The following XKR4 variants were observed in gnomAD, a reference collection of about 807,000 sequenced individuals.
The protein encoded by XKR4 is XK related 4, also known as XK-related protein 4.
In XKR4, 12 loss-of-function variants were observed where a neutral mutation model predicts 53.9. The observed-to-expected ratio is 0.22, with a 90% CI of 0.14 to 0.36. The LOEUF (loss-of-function observed/expected upper bound fraction) is 0.36, where lower values mean the gene tolerates loss of function less well. Among genes scored for constraint, XKR4 ranks in the 10% least tolerant of loss-of-function variants. The pLI, the probability that XKR4 is intolerant of heterozygous loss-of-function variation, is 1.00. For missense variants in XKR4, 799 were observed against 859.5 expected, an observed-to-expected ratio of 0.93 and a Z score of 0.88; for synonymous variants, 354 against 362.4, an observed-to-expected ratio of 0.98 and a Z score of 0.26.
intron 1 of XKR4, among the ~76,000 whole-genome samples, chr8:55,157,009 A>T (rs1296682212): frequency 6.6e-6 from 1 of 152,226 alleles, no homozygotes; most frequent in Non-Finnish European, 1.5e-5. Context: ...ATATGTACAT[A>T]ATCACTTTTC....
At chr8:55,432,580 T>C (rs1202138907) in intron 2 of XKR4, among the ~76,000 whole-genome samples, 3 of 151,742 alleles carry the variant, frequency 2.0e-5, no homozygotes, top group African/African-American at 7.3e-5. Context: ...TGGTGGATCA[T>C]TGAACATATC....
chr8:55,312,728 T>C (rs953619825), intron 1 of XKR4, among the ~76,000 whole-genome samples: 2 of 152,268 alleles, frequency 1.3e-5, no homozygotes, highest in Non-Finnish European at 2.9e-5. Context: ...ATCTATTTTA[T>C]TTGATGGTAT....
At chr8:55,480,717 A>T (rs1806088077) in intron 2 of XKR4, among the ~76,000 whole-genome samples, 1 of 147,706 alleles carries the variant, frequency 6.8e-6, no homozygotes, top group Non-Finnish European at 1.5e-5. Context: ...CAGGATACAA[A>T]ATCAATGTAC....
intron 1 of XKR4, among the ~76,000 whole-genome samples, chr8:55,325,528 A>C (rs939577235): frequency 6.6e-6 from 1 of 152,238 alleles, no homozygotes. Flanking sequence ...AAATGAGGAA[A>C]ACAACTCTTA....
chr8:55,376,161 G>A (rs1461170790), intron 2 of XKR4, among the ~76,000 whole-genome samples: 1 of 152,076 alleles, frequency 6.6e-6, no homozygotes, highest in Non-Finnish European at 1.5e-5. Context: ...CCATGTCTTT[G>A]CTATTGTGAA....
At chr8:55,341,487 T>C (rs998913929) in intron 1 of XKR4, among the ~76,000 whole-genome samples, 7 of 152,162 alleles carry the variant, frequency 4.6e-5, no homozygotes, top group Admixed American at 2.0e-4. Context: ...AGGGTACCTG[T>C]GCCAGGAAGG....
rs1174262753 is a variant in XKR4, at chr8:55,525,680, T to A, written c.*1453T>A. ...AGTGCCGGTCAAACTTTGATAGTAT[T>A]TTTTTATAGTTGGTGCAGAGTGGAA... On this transcript the variant is annotated 3_prime_UTR_variant, in exon 3 of 3. Coordinates refer to ENST00000327381, the MANE Select transcript of XKR4 (RefSeq NM_052898.2). 1 of 152,644 alleles carries A rather than the reference T, an allele frequency of 6.6e-6. No homozygotes were observed. The highest frequency in any genetic ancestry group is 1.5e-5 in the Non-Finnish European group (1 of 68,024). The allele number at this position is 152,644 out of a possible 1,614,324, so 9.5% of individuals were successfully genotyped here.
At chr8:55,301,527 G>A (rs2129376871) in intron 1 of XKR4, among the ~76,000 whole-genome samples, 1 of 152,162 alleles carries the variant, frequency 6.6e-6, no homozygotes, top group Non-Finnish European at 1.5e-5. Context: ...GAGATGGCTG[G>A]GTCAAATGGT....
chr8:55,282,246 A>G (rs1818854019), intron 1 of XKR4, among the ~76,000 whole-genome samples: 2 of 152,210 alleles, frequency 1.3e-5, no homozygotes, highest in African/African-American at 4.8e-5. Context: ...GGAGCCAAAA[A>G]TTCCTATTGC....
At chr8:55,490,757 A>T (rs1806259018) in intron 2 of XKR4, among the ~76,000 whole-genome samples, 1 of 151,814 alleles carries the variant, frequency 6.6e-6, no homozygotes, top group African/African-American at 2.4e-5. Context: ...TTTCTCTATC[A>T]CATCTTTCTA....
intron 1 of XKR4, among the ~76,000 whole-genome samples, chr8:55,105,962 T>A (rs1171770002): frequency 6.6e-6 from 1 of 152,196 alleles, no homozygotes; most frequent in East Asian, 1.9e-4. Flanking sequence ...TCTATTAGAC[T>A]CACTATGATT....
At chr8:55,410,358 G>A (rs576630630) in intron 2 of XKR4, among the ~76,000 whole-genome samples, 23 of 152,214 alleles carry the variant, frequency 1.5e-4, no homozygotes, top group Non-Finnish European at 2.2e-4. Context: ...TCTCTCCCTG[G>A]GCCATGAGCC....
In XKR4 at chr8:55,527,186, C is replaced by T. The variant is rs1291075320; in HGVS notation, c.*2959C>T. 1 of 150,070 alleles carries T rather than the reference C, an allele frequency of 6.7e-6. No individual in the cohort carries two copies. Among genetic ancestry groups the T allele is most frequent in the Non-Finnish European group, 1.5e-5 (1 of 67,116 alleles). The allele number at this position is 150,070 out of a possible 1,614,324, so 9.3% of individuals were successfully genotyped here. A position where few individuals can be genotyped will look rare whatever the true frequency, so the allele number is the denominator to read the frequency against. Reference sequence around the variant, plus strand: ...TTTAAAGTATTCAGATTTAAAGAGACATCATCAGTGTACAAAGAAACAAAG... The same window carrying T: ...TTTAAAGTATTCAGATTTAAAGAGATATCATCAGTGTACAAAGAAACAAAG... On this transcript the variant is annotated 3_prime_UTR_variant, in exon 3 of 3. Transcript: ENST00000327381.
At chr8:55,433,121 AT>A (rs1361114753) in intron 2 of XKR4, among the ~76,000 whole-genome samples, 8 of 152,146 alleles carry the variant, frequency 5.3e-5, no homozygotes, top group Non-Finnish European at 8.8e-5. Flanking sequence ...CACAGTAACA[AT>A]TTTTTTCCCA....
intron 2 of XKR4, among the ~76,000 whole-genome samples, chr8:55,388,205 A>G (rs1804355202): frequency 6.6e-6 from 1 of 152,186 alleles, no homozygotes; most frequent in South Asian, 2.1e-4. Flanking sequence ...GTTCAGAACA[A>G]TGTCATTTAA....
chr8:55,205,384 A>T (rs1176255979), intron 1 of XKR4, among the ~76,000 whole-genome samples: 1 of 152,228 alleles, frequency 6.6e-6, no homozygotes, highest in Non-Finnish European at 1.5e-5. Context: ...ACTCAAATTT[A>T]GAGGCAGAGA....
chr8:55,507,277 A>G (rs1213420490), intron 2 of XKR4, among the ~76,000 whole-genome samples: 2 of 152,114 alleles, frequency 1.3e-5, no homozygotes, highest in African/African-American at 2.4e-5. Flanking sequence ...CTATCAAAGC[A>G]CCCCTATACA....
chr8:55,147,673 G>A (rs1185151415), intron 1 of XKR4, among the ~76,000 whole-genome samples: 2 of 152,130 alleles, frequency 1.3e-5, no homozygotes, highest in African/African-American at 2.4e-5. Flanking sequence ...CACTGGCATC[G>A]AGATTTGGGG....
intron 2 of XKR4, among the ~76,000 whole-genome samples, chr8:55,407,512 G>C (rs1028824601): frequency 1.3e-5 from 2 of 152,332 alleles, no homozygotes; most frequent in African/African-American, 4.8e-5. Flanking sequence ...GCACATTCAC[G>C]GGCCTGATGA....
Sources: allele counts gnomAD v4.1 joint callset (sites outside exome capture counted in the v4.1 genomes callset), GRCh38; gene constraint gnomAD v4.1.1; transcripts MANE v1.5; gene names NCBI Gene and HGNC (gene_info 2026-07-23, HGNC 2026-07-21).